The following PLSCR4 variants were observed in gnomAD, a reference collection of about 807,000 sequenced individuals.
The protein encoded by PLSCR4 is phospholipid scramblase 4, also known as Ca(2+)-dependent phospholipid scramblase 4.
In PLSCR4, 25 loss-of-function variants were observed where a neutral mutation model predicts 36.3. The ratio of observed to expected loss-of-function variants is 0.69; its 90% CI spans 0.50 to 0.96. The LOEUF is 0.96. Among genes scored for constraint, PLSCR4 ranks in the 40% least tolerant of loss-of-function variants. The probability of loss-of-function intolerance (pLI) is 0.00; values close to 1 mark genes in which losing one functional copy is unlikely to be tolerated. For synonymous variants in PLSCR4, 122 were observed against 132.9 expected (o/e 0.92, Z 0.56); for missense variants, 408 against 414.7 (o/e 0.98, Z 0.14).
chr3:146,230,279 T>G (rs1234811369), intron 1 of PLSCR4, among the ~76,000 whole-genome samples: 4 of 152,220 alleles, frequency 2.6e-5, no homozygotes, highest in African/African-American at 9.6e-5. Flanking sequence ...TAGTATGTTT[T>G]CCTTTTTAGA....
At chr3:146,224,987 C>A (rs930585468) in intron 1 of PLSCR4, among the ~76,000 whole-genome samples, 1 of 151,938 alleles carries the variant, frequency 6.6e-6, no homozygotes, top group Non-Finnish European at 1.5e-5. Flanking sequence ...CACTCACAAA[C>A]CTTGAGCTAA....
At chr3:146,225,943 G>A (rs569123227) in intron 1 of PLSCR4, among the ~76,000 whole-genome samples, 2 of 152,210 alleles carry the variant, frequency 1.3e-5, no homozygotes, top group African/African-American at 2.4e-5. Context: ...AGGAGGTGCC[G>A]AGAGCGAGGG....
intron 1 of PLSCR4, among the ~76,000 whole-genome samples, chr3:146,234,954 C>T (rs2035858179): frequency 1.3e-5 from 2 of 152,148 alleles, no homozygotes; most frequent in African/African-American, 4.8e-5. Flanking sequence ...TCACAAAAGG[C>T]TGGCCAGAAC....
chr3:146,204,732 A>G (rs2108234328), intron 4 of PLSCR4, among the ~76,000 whole-genome samples: 1 of 152,202 alleles, frequency 6.6e-6, no homozygotes, highest in East Asian at 1.9e-4. Context: ...ATACAATTTG[A>G]AAAGAGAATT....
At position 146,206,252 on chromosome 3, in the gene PLSCR4, A is replaced by G. The variant is rs1445645491; in HGVS notation, c.354+274T>C. ...CCTCTATGATAGTTTTTCTATTTCC[A>G]TTTGTACAATTCTTTCAAGAAAACA... On this transcript the variant is annotated intron_variant, in intron 4 of 8. Transcript: ENST00000354952. Among the ~76,000 whole-genome samples, 3 of 152,012 alleles carry G rather than the reference A, an allele frequency of 2.0e-5. No homozygotes were observed. In the East Asian group the frequency reaches 5.8e-4, roughly 29 times the overall value.
intron 3 of PLSCR4, among the ~76,000 whole-genome samples, chr3:146,211,573 G>C (rs1283854727): frequency 6.6e-6 from 1 of 151,902 alleles, no homozygotes; most frequent in Non-Finnish European, 1.5e-5. Flanking sequence ...ATTTTTTGTT[G>C]GTTGTTTGTG....
chr3:146,246,010 C>T (rs1247728247), intron 1 of PLSCR4, among the ~76,000 whole-genome samples: 1 of 151,942 alleles, frequency 6.6e-6, no homozygotes, highest in East Asian at 1.9e-4. Context: ...GGATTAAAGT[C>T]CAATGACTGA....
intron 1 of PLSCR4, among the ~76,000 whole-genome samples, chr3:146,247,964 T>G (rs1056908303): frequency 2.8e-4 from 42 of 152,164 alleles, no homozygotes; most frequent in African/African-American, 9.9e-4. Context: ...ACTTTAGATG[T>G]TTTTCTTTTT....
intron 4 of PLSCR4, among the ~76,000 whole-genome samples, chr3:146,203,018 A>G (rs938957858): frequency 6.6e-6 from 1 of 151,960 alleles, no homozygotes; most frequent in Admixed American, 6.6e-5. Flanking sequence ...CAAAATCATC[A>G]TAAAAGTGGC....
chr3:146,251,101 G>C lies in PLSCR4; in HGVS notation c.-163C>G, dbSNP rs2036534161. ...TTATAAACAAAGTAAGCGCGCGGAA[G>C]GGAGGGCTAGGCGCGGGTTCTGGGG... On this transcript the variant is annotated 5_prime_UTR_variant, in exon 1 of 9. Coordinates refer to ENST00000354952, the MANE Select transcript of PLSCR4 (RefSeq NM_020353.3). 6.6e-6 allele frequency: 1 copy of C among 152,306 alleles called. No homozygotes were observed. Among genetic ancestry groups the C allele is most frequent in the Non-Finnish European group, 1.5e-5 (1 of 68,192 alleles). The allele number at this position is 152,306 out of a possible 1,614,324, so 9.4% of individuals were successfully genotyped here.
chr3:146,221,916 T>C, intron 2 of PLSCR4, 149 bp downstream of exon 2: 1 of 390,156 alleles, frequency 2.6e-6, no homozygotes, highest in East Asian at 4.1e-5. Flanking sequence ...AATATATACA[T>C]ACATATATAT....
At chr3:146,213,538 G>T (rs1576464897) in intron 3 of PLSCR4, among the ~76,000 whole-genome samples, 1 of 152,002 alleles carries the variant, frequency 6.6e-6, no homozygotes. Flanking sequence ...GGTCAGGCTG[G>T]TCTCAAATTC....
At chr3:146,208,117 C>G (rs1369000809) in intron 3 of PLSCR4, among the ~76,000 whole-genome samples, 1 of 151,908 alleles carries the variant, frequency 6.6e-6, no homozygotes, top group Non-Finnish European at 1.5e-5. Flanking sequence ...ATAGGGAACC[C>G]AAAAATAAAC....
At chr3:146,242,262 G>A (rs769181794) in intron 1 of PLSCR4, among the ~76,000 whole-genome samples, 2 of 151,998 alleles carry the variant, frequency 1.3e-5, no homozygotes, top group African/African-American at 2.4e-5. Context: ...ATCGTTTTTC[G>A]CTCAGATAAA....
At chr3:146,226,376 C>T (rs1240466281) in intron 1 of PLSCR4, among the ~76,000 whole-genome samples, 1 of 152,026 alleles carries the variant, frequency 6.6e-6, no homozygotes. Flanking sequence ...ATGTTAAGTT[C>T]TTGGGATTGC....
chr3:146,223,420 A>G (rs1336130713), intron 1 of PLSCR4, among the ~76,000 whole-genome samples: 1 of 64,670 alleles, frequency 1.5e-5, no homozygotes, highest in African/African-American at 5.9e-5. Context: ...TGATTATAAC[A>G]ACTCTCTAAT....
Position 146,194,310 on chromosome 3 carries a change from G to A in PLSCR4, c.*101C>T, listed in dbSNP as rs2033584175. ...ACACCCAATAAAAATACTCTACAAA[G>A]CAAAGAAATACACTTGCAAATAACT... On this transcript the variant is annotated 3_prime_UTR_variant, in exon 9 of 9. Transcript: ENST00000354952. The A allele has an allele frequency of 3.1e-5, 25 of 812,734 alleles. 1 individual carries two copies. The highest frequency in any genetic ancestry group is 2.8e-4 in the South Asian group (19 of 67,344). 50.3% of individuals were successfully genotyped at this position (812,734 alleles called of 1,614,324 possible). A position where few individuals can be genotyped will look rare whatever the true frequency, so the allele number is the denominator to read the frequency against.
At chr3:146,231,792 C>T (rs1306316598) in intron 1 of PLSCR4, among the ~76,000 whole-genome samples, 1 of 152,134 alleles carries the variant, frequency 6.6e-6, no homozygotes, top group African/African-American at 2.4e-5. Flanking sequence ...ATATTTTCTC[C>T]TATTCTGTAG....
In PLSCR4 at chr3:146,250,063, GATA is replaced by G. The variant is rs376355898; in HGVS notation, c.-22+894_-22+896del. Among the ~76,000 whole-genome samples, 41 of 152,264 alleles carry G rather than the reference GATA, an allele frequency of 2.7e-4. No individual in the cohort carries two copies. The East Asian group carries it at 7.1e-3, about 27-fold the overall frequency. ...TATACACTCACATCATGCATAAAGT[GATA>G]ATATGTTCCCCTACCTGTTGTCACT... On this transcript the variant is annotated intron_variant, in intron 1 of 8. Transcript: ENST00000354952.
Sources: allele counts gnomAD v4.1 joint callset (sites outside exome capture counted in the v4.1 genomes callset), GRCh38; gene constraint gnomAD v4.1.1; transcripts MANE v1.5; gene names NCBI Gene and HGNC (gene_info 2026-07-23, HGNC 2026-07-21).